Variants in THSD4 observed in about 807,000 individuals in gnomAD.
THSD4 encodes thrombospondin type-1 domain-containing protein 4.
THSD4 carries 69 observed loss-of-function variants against 119.0 expected under a neutral mutation model. That is an observed-to-expected ratio of 0.58 (90% CI 0.48 to 0.71). The LOEUF (loss-of-function observed/expected upper bound fraction) is 0.71, where lower values mean the gene tolerates loss of function less well. Ranked by LOEUF, THSD4 falls within the 30% of genes least tolerant of loss-of-function variation. The pLI is 0.00. For synonymous variants in THSD4, 524 were observed against 540.4 expected, an observed-to-expected ratio of 0.97 and a Z score of 0.42; for missense variants, 1,393 against 1,391.1, an observed-to-expected ratio of 1.00 and a Z score of -0.02.
At chr15:71,711,089 A>G (rs1213302044) in intron 8 of THSD4, among the ~76,000 whole-genome samples, 1 of 148,642 alleles carries the variant, frequency 6.7e-6, no homozygotes, top group Non-Finnish European at 1.5e-5. Context: ...ATATGTATAT[A>G]TATATACATA....
At chr15:71,511,557 A>G (rs1226803665) in intron 7 of THSD4, among the ~76,000 whole-genome samples, 1 of 152,124 alleles carries the variant, frequency 6.6e-6, no homozygotes, top group East Asian at 1.9e-4. Flanking sequence ...ACGTGGGAAA[A>G]CCAAATTTCC....
chr15:71,458,659 G>A (rs2047372537), intron 7 of THSD4, among the ~76,000 whole-genome samples: 1 of 152,150 alleles, frequency 6.6e-6, no homozygotes, highest in Admixed American at 6.5e-5. Context: ...GAATGATAAA[G>A]CATAAATGTT....
rs1224142878 is a variant in THSD4, at chr15:71,778,423, C to G, written c.*1049C>G. On this transcript the variant is annotated 3_prime_UTR_variant, in exon 18 of 18. Transcript: ENST00000261862. The stretch of plus-strand genomic sequence containing the variant: ...TTCTTACTCCGTTCCAAGTGCTGTT[C>G]CTCCCAGGAAATCAAAGGCCAGGGT... 6.6e-6 allele frequency: 1 copy of G among 152,366 alleles called. No individual in the cohort carries two copies. The highest frequency in any genetic ancestry group is 1.5e-5 in the Non-Finnish European group (1 of 68,190). The allele number at this position is 152,366 out of a possible 1,614,324, so 9.4% of individuals were successfully genotyped here.
intron 7 of THSD4, among the ~76,000 whole-genome samples, chr15:71,492,486 CA>C (rs2047936055): frequency 1.3e-5 from 2 of 152,108 alleles, no homozygotes; most frequent in South Asian, 4.2e-4. Flanking sequence ...GGAGTTTCAC[CA>C]AGTTGGCCAG....
intron 7 of THSD4, among the ~76,000 whole-genome samples, chr15:71,486,430 A>G (rs2047818383): frequency 6.6e-6 from 1 of 152,136 alleles, no homozygotes; most frequent in South Asian, 2.1e-4. Context: ...AGAAAGTTAC[A>G]TTTTAGGATA....
chr15:71,453,455 A>T (rs1433789448), intron 7 of THSD4, among the ~76,000 whole-genome samples: 1 of 152,206 alleles, frequency 6.6e-6, no homozygotes, highest in African/African-American at 2.4e-5. Context: ...CCATGGAGCA[A>T]CACGGTGTCA....
At chr15:71,516,170 G>T (rs1045031265) in intron 7 of THSD4, among the ~76,000 whole-genome samples, 1 of 152,186 alleles carries the variant, frequency 6.6e-6, no homozygotes, top group African/African-American at 2.4e-5. Context: ...CCTGGAAGAG[G>T]AGAGGAAGCT....
chr15:71,305,875 A>G (rs2045017131), intron 6 of THSD4, among the ~76,000 whole-genome samples: 2 of 152,176 alleles, frequency 1.3e-5, no homozygotes, highest in Non-Finnish European at 2.9e-5. Context: ...ACTCACTGGA[A>G]TCTCCAGCCT....
intron 8 of THSD4, among the ~76,000 whole-genome samples, chr15:71,666,187 G>A (rs1192361804): frequency 2.6e-5 from 4 of 152,060 alleles, no homozygotes; most frequent in Admixed American, 2.6e-4. Context: ...CTTGAGTGGT[G>A]TTTTGAATTA....
intron 3 of THSD4, among the ~76,000 whole-genome samples, chr15:71,180,182 A>T (rs1384392379): frequency 1.3e-5 from 2 of 151,754 alleles, no homozygotes; most frequent in Non-Finnish European, 2.9e-5. Context: ...AAAAAAAAAA[A>T]AAGACACTAT....
chr15:71,461,779 T>G (rs1595790723), intron 7 of THSD4, among the ~76,000 whole-genome samples: 1 of 150,662 alleles, frequency 6.6e-6, no homozygotes. Flanking sequence ...TGAAGACATA[T>G]GGGCACTGTC....
At chr15:71,771,422 A>G (rs1338163191) in intron 17 of THSD4, among the ~76,000 whole-genome samples, 2 of 152,214 alleles carry the variant, frequency 1.3e-5, no homozygotes, top group African/African-American at 4.8e-5. Context: ...CCACCAAGAG[A>G]CACACTTTAG....
At chr15:71,199,700 G>GTGCA (rs2043767284) in intron 3 of THSD4, among the ~76,000 whole-genome samples, 10 of 13,878 alleles carry the variant, frequency 7.2e-4, no homozygotes, top group East Asian at 3.0e-3. Context: ...GGTGTGTGTG[G>GTGCA]TGTCTGGGTG....
In THSD4 at chr15:71,688,908, G is replaced by A. The variant is rs1160761235; in HGVS notation, c.1357+28174G>A. Among the ~76,000 whole-genome samples the A allele has an allele frequency of 2.0e-5, 3 of 151,994 alleles. No individual in the cohort carries two copies. In the East Asian group the frequency reaches 5.8e-4, roughly 29 times the overall value. The stretch of plus-strand genomic sequence containing the variant: ...ATTTTCATTCCCCACTATGACAGAT[G>A]TTCCAGAACCACGTGCATATGGTTC... On this transcript the variant is annotated intron_variant, in intron 8 of 17. Coordinates refer to ENST00000261862, the MANE Select transcript of THSD4 (RefSeq NM_024817.3).
intron 6 of THSD4, among the ~76,000 whole-genome samples, chr15:71,350,966 A>G (rs753826289): frequency 1.9e-4 from 29 of 152,202 alleles, no homozygotes; most frequent in South Asian, 4.1e-4. Context: ...CCTGTGTTCA[A>G]GGTGCATAGT....
At chr15:71,661,539 G>T (rs1394518617) in intron 8 of THSD4, among the ~76,000 whole-genome samples, 1 of 151,856 alleles carries the variant, frequency 6.6e-6, no homozygotes, top group Non-Finnish European at 1.5e-5. Flanking sequence ...GGGACCACAG[G>T]CGTGCACCAA....
intron 7 of THSD4, among the ~76,000 whole-genome samples, chr15:71,567,172 A>G (rs900826230): frequency 3.3e-5 from 5 of 152,156 alleles, no homozygotes; most frequent in Admixed American, 6.5e-5. Context: ...AAGAGGCAGC[A>G]CGTTGCAATC....
intron 6 of THSD4, among the ~76,000 whole-genome samples, chr15:71,261,344 G>A (rs1156800334): frequency 3.3e-5 from 5 of 152,074 alleles, no homozygotes; most frequent in Non-Finnish European, 7.4e-5. Context: ...ATGCGTGGAA[G>A]GATCCTTCCT....
At chr15:71,535,362 T>G (rs2048675012) in intron 7 of THSD4, among the ~76,000 whole-genome samples, 1 of 152,238 alleles carries the variant, frequency 6.6e-6, no homozygotes, top group Admixed American at 6.5e-5. Flanking sequence ...ATACCACATT[T>G]TATATATATC....
Sources: allele counts gnomAD v4.1 joint callset (sites outside exome capture counted in the v4.1 genomes callset), GRCh38; gene constraint gnomAD v4.1.1; transcripts MANE v1.5; gene names NCBI Gene and HGNC (gene_info 2026-07-23, HGNC 2026-07-21).